Variants in KIAA1671 observed in about 807,000 individuals in gnomAD.
KIAA1671 encodes the protein uncharacterized protein KIAA1671.
Under a neutral mutation model 131.2 loss-of-function variants are expected in KIAA1671, and 52 were observed. The observed-to-expected ratio is 0.40, with a 90% confidence interval of 0.32 to 0.50. KIAA1671 has a LOEUF of 0.50. Among genes scored for constraint, KIAA1671 ranks in the 20% least tolerant of loss-of-function variants. KIAA1671 has a pLI of 0.73. For synonymous variants in KIAA1671, 1,003 were observed against 961.6 expected (o/e 1.04, Z -0.80); for missense variants, 2,360 against 2,364.2 (o/e 1.00, Z 0.04).
chr22:24,985,748 A>ATGTG (rs59858869), intron 1 of KIAA1671, among the ~76,000 whole-genome samples: 54 of 138,358 alleles, frequency 3.9e-4, no homozygotes, highest in Middle Eastern at 7.6e-3. Flanking sequence ...GTGTGTGTGT[A>ATGTG]TGTGTGTGTG....
intron 1 of KIAA1671, among the ~76,000 whole-genome samples, chr22:24,979,763 T>C (rs1923130769): frequency 6.6e-6 from 1 of 152,132 alleles, no homozygotes; most frequent in Admixed American, 6.6e-5. Context: ...GAAACTCTTC[T>C]ACTCATGAAC....
At chr22:25,050,042 T>A (rs1422025522) in intron 6 of KIAA1671, 1 of 152,306 alleles carries the variant, frequency 6.6e-6, no homozygotes, top group African/African-American at 2.4e-5. Flanking sequence ...GTGCTTAGCA[T>A]GCTTCTGGGT....
intron 6 of KIAA1671, among the ~76,000 whole-genome samples, chr22:25,065,762 C>G (rs190677014): frequency 2.6e-4 from 40 of 151,970 alleles, no homozygotes; most frequent in African/African-American, 8.9e-4. Flanking sequence ...GCCTCAGCCT[C>G]CCGAGTAGGT....
At position 25,040,257 on chromosome 22, in the gene KIAA1671, G is replaced by T; in HGVS notation, c.3127G>T (p.Val1043Leu). The change falls in exon 5 of 13, where the codon GTG becomes TTG. Residue 1043 changes from valine (V) to leucine (L), a missense_variant. This residue lies in a region of KIAA1671 where 1,161 missense variants were observed against 1,204.7 expected (regional missense o/e 0.96). Transcript: ENST00000358431. Reference sequence around the variant, plus strand: ...TCCCAATACTCAAAAGGCAAAGGGTGTGGTTCTGTCAGGAGCTGAAAGCTT... The same window carrying T: ...TCCCAATACTCAAAAGGCAAAGGGTTTGGTTCTGTCAGGAGCTGAAAGCTT... ...QIPNTQKAKG[V>L]VLSGAESLLE... 1 of 1,551,746 alleles carries T rather than the reference G, an allele frequency of 6.4e-7. No individual in the cohort carries two copies. The highest frequency in any genetic ancestry group is 8.7e-7 in the Non-Finnish European group (1 of 1,147,014).
chr22:25,150,835 G>GTTTTTTTTTTT, intron 6 of KIAA1671, among the ~76,000 whole-genome samples: 1 of 111,256 alleles, frequency 9.0e-6, no homozygotes, highest in African/African-American at 3.6e-5. Flanking sequence ...TGGGTCCTTT[G>GTTTTTTTTTTT]CTTTTTTTTT....
At chr22:25,186,108 C>G (rs924841901) in intron 11 of KIAA1671, 5 of 152,328 alleles carry the variant, frequency 3.3e-5, no homozygotes, top group Middle Eastern at 3.4e-3. Flanking sequence ...TATGTATTGT[C>G]CATAACTGCT....
intron 6 of KIAA1671, among the ~76,000 whole-genome samples, chr22:25,163,131 C>T (rs1190224145): frequency 1.3e-5 from 2 of 151,946 alleles, no homozygotes; most frequent in South Asian, 2.1e-4. Context: ...AATTCAAGAC[C>T]AGCCTGGGCA....
intron 6 of KIAA1671, among the ~76,000 whole-genome samples, chr22:25,100,009 C>T (rs1422389354): frequency 6.6e-6 from 1 of 152,190 alleles, no homozygotes; most frequent in African/African-American, 2.4e-5. Flanking sequence ...GGGCCCCAGG[C>T]CATACAGTAT....
intron 6 of KIAA1671, among the ~76,000 whole-genome samples, chr22:25,114,146 A>G (rs1247105247): frequency 2.0e-5 from 3 of 152,176 alleles, no homozygotes; most frequent in African/African-American, 4.8e-5. Flanking sequence ...AGATGCCACC[A>G]AGAGTGTAAA....
intron 6 of KIAA1671, among the ~76,000 whole-genome samples, chr22:25,103,353 G>A (rs1930804219): frequency 6.6e-6 from 1 of 152,030 alleles, no homozygotes. Context: ...TGGGATTACA[G>A]GCACGCACCA....
At chr22:25,095,338 A>G (rs965509335) in intron 6 of KIAA1671, among the ~76,000 whole-genome samples, 1 of 152,232 alleles carries the variant, frequency 6.6e-6, no homozygotes. Flanking sequence ...TAAAAATTAC[A>G]AATGCTATGC....
intron 6 of KIAA1671, chr22:25,055,323 C>T (rs1281217235): frequency 1.3e-5 from 2 of 149,946 alleles, no homozygotes; most frequent in East Asian, 3.9e-4. Flanking sequence ...GAGATTCCCT[C>T]TAGATTTCAG....
Position 25,121,647 on chromosome 22 carries a change from G to C in KIAA1671, c.4531-49173G>C, listed in dbSNP as rs1931951546. Among the ~76,000 whole-genome samples the C allele has an allele frequency of 3.3e-5, 5 of 152,158 alleles. No homozygotes were observed. In the South Asian group the frequency reaches 8.3e-4, roughly 25 times the overall value. ...ATACTCCCACCATAGCCAATTGTAA[G>C]CTTCTAACTAGTTTTCACTAAACAC... On this transcript the variant is annotated intron_variant, in intron 6 of 12. Transcript: ENST00000358431.
Position 25,170,693 on chromosome 22 carries a change from A to G in KIAA1671, c.4531-127A>G, listed in dbSNP as rs2146012835. ...CCAGCCAAGATGTCTGGCCCCACTT[A>G]GGAAGGCAGCGGGTTGCTGGGATGG... On this transcript the variant is annotated intron_variant, in intron 6 of 12. Transcript: ENST00000358431. 2.1e-5 allele frequency: 18 copies of G among 842,484 alleles called. No homozygotes were observed. In the South Asian group the frequency reaches 2.6e-4, roughly 12 times the overall value. 52.2% of individuals were successfully genotyped at this position (842,484 alleles called of 1,614,324 possible).
intron 6 of KIAA1671, among the ~76,000 whole-genome samples, chr22:25,102,048 T>G (rs1930711529): frequency 6.6e-6 from 1 of 151,490 alleles, no homozygotes; most frequent in Admixed American, 6.6e-5. Context: ...GAGGAAGGGG[T>G]GGAAAGGTGT....
chr22:25,026,088 A>G (rs1602076812), intron 2 of KIAA1671, among the ~76,000 whole-genome samples: 1 of 151,882 alleles, frequency 6.6e-6, no homozygotes, highest in African/African-American at 2.4e-5. Flanking sequence ...CCTCCATTCT[A>G]CCTCTAACCG....
chr22:25,036,336 T>A (rs1396310368), intron 4 of KIAA1671, among the ~76,000 whole-genome samples: 1 of 151,968 alleles, frequency 6.6e-6, no homozygotes, highest in East Asian at 1.9e-4. Context: ...CGCCTCGGCC[T>A]CCCAAAGTGC....
chr22:25,009,061 TTGGTATAGA>T (rs1226122774), intron 1 of KIAA1671, among the ~76,000 whole-genome samples: 1 of 152,112 alleles, frequency 6.6e-6, no homozygotes, highest in South Asian at 2.1e-4. Context: ...TTTGGGTTTA[TTGGTATAGA>T]TGGCATGGAA....
At chr22:25,173,632 A>T (rs1041830579) in intron 7 of KIAA1671, among the ~76,000 whole-genome samples, 2 of 152,232 alleles carry the variant, frequency 1.3e-5, no homozygotes, top group Non-Finnish European at 1.5e-5. Context: ...AATAAAAAAG[A>T]ATTATAATGT....
Sources: gnomAD v4.1 joint callset for allele counts (sites outside exome capture counted in the v4.1 genomes callset) on GRCh38, gnomAD v4.1.1 for gene constraint, gnomAD v4.1.1 regional missense constraint, MANE v1.5 for transcripts, NCBI Gene and HGNC (gene_info 2026-07-23, HGNC 2026-07-21) for gene names.